The following VPS25 variants were observed in gnomAD, a reference collection of about 807,000 sequenced individuals.
VPS25 encodes vacuolar protein-sorting-associated protein 25.
In VPS25, 21 loss-of-function variants were observed where a neutral mutation model predicts 30.3. The ratio of observed to expected loss-of-function variants is 0.69; its 90% CI spans 0.49 to 1.00. The LOEUF (loss-of-function observed/expected upper bound fraction) is 1.00. Ranked by LOEUF, VPS25 falls within the 50% of genes least tolerant of loss-of-function variation. VPS25 has a pLI of 0.00. For synonymous variants in VPS25, 101 were observed against 88.1 expected (o/e 1.15, Z -0.82); for missense variants, 156 against 217.2 (o/e 0.72, Z 1.77).
chr17:42,777,574 C>G (rs2054443198), intron 5 of VPS25, among the ~76,000 whole-genome samples: 1 of 152,202 alleles, frequency 6.6e-6, no homozygotes, highest in South Asian at 2.1e-4. Flanking sequence ...TCAGCATCTG[C>G]TATAGATGCC....
rs767980257 is a variant in VPS25, at chr17:42,773,475, G to A, written c.-1G>A. 1.2e-6 allele frequency: 2 copies of A among 1,614,018 alleles called. No individual in the cohort carries two copies. The highest frequency in any genetic ancestry group is 1.7e-5 in the Admixed American group (1 of 59,998). ...GCTTCCGGGTTTCCTGGGCTACTAC[G>A]ATGGCGATGAGTTTCGAGTGGCCGT... On this transcript the variant is annotated 5_prime_UTR_variant, in exon 1 of 6. Transcript: ENST00000253794.
intron 5 of VPS25, among the ~76,000 whole-genome samples, chr17:42,778,609 A>G (rs2054448975): frequency 6.6e-6 from 1 of 152,208 alleles, no homozygotes; most frequent in Admixed American, 6.5e-5. Context: ...GTGTCTAGTG[A>G]CAATGGCTCC....
chr17:42,779,277 T>C lies in VPS25; in HGVS notation c.*208T>C. The C allele has an allele frequency of 1.9e-6, 1 of 533,318 alleles. No individual in the cohort carries two copies. The highest frequency in any genetic ancestry group is 3.4e-6 in the Non-Finnish European group (1 of 294,106). 33.0% of individuals were successfully genotyped at this position (533,318 alleles called of 1,614,324 possible). ...TGAGGCTGAAGCACCAGGGAGAAAA[T>C]ATGTGCTTCTTCTCGCCCTACCTCC... On this transcript the variant is annotated 3_prime_UTR_variant, in exon 6 of 6. Coordinates refer to ENST00000253794, the MANE Select transcript of VPS25 (RefSeq NM_032353.4).
chr17:42,775,405 G>C lies in VPS25; in HGVS notation c.278G>C (p.Ser93Thr). 1 of 1,614,102 alleles carries C rather than the reference G, an allele frequency of 6.2e-7. No homozygotes were observed. The highest frequency in any genetic ancestry group is 8.5e-7 in the Non-Finnish European group (1 of 1,179,978). The change falls in exon 4 of 6, where the codon AGC becomes ACC. Residue 93 changes from serine (S) to threonine (T), a missense_variant. Transcript: ENST00000253794. ...KKGNLEWLDK[S>T]KSSFLIMWRR... ...GGGAACCTCGAGTGGTTGGATAAGAGCAAGTCCAGCTTCCTGATCATGTGG... is the reference window on the plus strand; with the variant it reads ...GGGAACCTCGAGTGGTTGGATAAGACCAAGTCCAGCTTCCTGATCATGTGG...
At chr17:42,778,646 C>G (rs2054449283) in intron 5 of VPS25, among the ~76,000 whole-genome samples, 1 of 152,212 alleles carries the variant, frequency 6.6e-6, no homozygotes, top group Non-Finnish European at 1.5e-5. Flanking sequence ...ATTTTCACGG[C>G]CCCTTTGTGG....
Position 42,773,811 on chromosome 17 carries a change from C to T in VPS25, c.132C>T (p.His44=). ...TGGTCCTGTCCTTCTGCCGCCTGCA[C>T]AAACAGTCCAGCATGACGGTGATGG... ...CSLVLSFCRL[H]KQSSMTVMEA... is the part of the protein sequence containing the mutation. The change falls in exon 2 of 6, where the codon CAC becomes CAT. Residue 44 remains histidine (H), a synonymous_variant. Transcript: ENST00000253794. 2 of 1,614,152 alleles carry T rather than the reference C, an allele frequency of 1.2e-6. No homozygotes were observed. Among genetic ancestry groups the T allele is most frequent in the Non-Finnish European group, 1.7e-6 (2 of 1,180,042 alleles).
At chr17:42,774,368 C>CT in intron 2 of VPS25, 1 of 337,792 alleles carries the variant, frequency 3.0e-6, no homozygotes, top group Non-Finnish European at 5.2e-6. Flanking sequence ...AAGCTTCTTT[C>CT]TTTCTTTTTT....
At chr17:42,778,920 A>G (rs1330872132) in intron 5 of VPS25, 37 bp from the exon 6 acceptor site, 2 of 1,600,112 alleles carry the variant, frequency 1.2e-6, no homozygotes, top group Non-Finnish European at 1.7e-6. Flanking sequence ...CTTGGGCCTC[A>G]GGAGCTGATT....
rs2054452151 is a variant in VPS25, at chr17:42,778,978, C to G, written c.440C>G (p.Ala147Gly). 1 of 1,613,968 alleles carries G rather than the reference C, an allele frequency of 6.2e-7. No individual in the cohort carries two copies. Among genetic ancestry groups the G allele is most frequent in the Non-Finnish European group, 8.5e-7 (1 of 1,179,964 alleles). Residue 147 changes from alanine to glycine, a missense_variant, in exon 6 of 6, where the codon GCC (alanine) becomes GGC (glycine). By Grantham distance (60) the Ala-to-Gly change is moderately conservative. Transcript: ENST00000253794. ...TCAGAGTTCCACGGGCTGGATGAAG[C>G]CACTCTACTGCGGGCTCTGCAGGCC... is the stretch of plus-strand genomic sequence containing the variant. ...EDEEFHGLDE[A>G]TLLRALQALQ...
Position 42,777,472 on chromosome 17 carries a change from C to G in VPS25, c.418+1152C>G, listed in dbSNP as rs2054442616. On this transcript the variant is annotated intron_variant, in intron 5 of 5. Transcript: ENST00000253794. ...GAGGTTGCAGTAAGCCAAGATCGCA[C>G]CACTGCACTCTAGTCTGGATGACAG... Among the ~76,000 whole-genome samples the G allele has an allele frequency of 2.0e-5, 3 of 152,192 alleles. No homozygotes were observed. In the South Asian group the frequency reaches 6.2e-4, roughly 31 times the overall value.
chr17:42,773,773 G>T lies in VPS25; in HGVS notation c.94G>T (p.Ala32Ser). ...GGACACTCGGCAGAAGCAGCTGGCCGCCTGGTGCTCGCTGGTCCTGTCCTT... is the reference window on the plus strand; with the variant it reads ...GGACACTCGGCAGAAGCAGCTGGCCTCCTGGTGCTCGCTGGTCCTGTCCTT... ...NVDTRQKQLA[A>S]WCSLVLSFCR... The change falls in exon 2 of 6, where the codon GCC becomes TCC. Residue 32 changes from alanine to serine, a missense_variant. Ala to Ser is a moderately conservative substitution (Grantham distance 99). Transcript: ENST00000253794. 1 of 1,614,086 alleles carries T rather than the reference G, an allele frequency of 6.2e-7. No individual in the cohort carries two copies.
chr17:42,774,288 T>A (rs565236867), intron 2 of VPS25: 1 of 279,186 alleles, frequency 3.6e-6, no homozygotes, highest in African/African-American at 2.2e-5. Context: ...ATCCCTAAAA[T>A]ATCTGTGGAG....
At chr17:42,776,171 G>A (rs1354487777) in intron 4 of VPS25, 74 bp from the exon 5 acceptor site, 2 of 1,295,704 alleles carry the variant, frequency 1.5e-6, no homozygotes, top group Non-Finnish European at 2.2e-6. Flanking sequence ...GGATCAGAGG[G>A]GTGGAGCTGA....
At position 42,773,726 on chromosome 17, in the gene VPS25, C is replaced by T. The variant is rs997798960; in HGVS notation, c.54-7C>T. On this transcript the variant is annotated splice_polypyrimidine_tract_variant and splice_region_variant and intron_variant, in intron 1 of 5. Coordinates refer to ENST00000253794, the MANE Select transcript of VPS25 (RefSeq NM_032353.4). ...TAATTCTGCGCCCCACTCCCTTCAC[C>T]CGGCAGGTTACAACCGAATGTGGAC... 11 of 1,613,390 alleles carry T rather than the reference C, an allele frequency of 6.8e-6. No individual in the cohort carries two copies. Among genetic ancestry groups the T allele is most frequent in the Non-Finnish European group, 8.5e-6 (10 of 1,179,498 alleles).
In VPS25 at chr17:42,773,497, C is replaced by T; in HGVS notation, c.22C>T (p.Pro8Ser). 6.2e-7 allele frequency: 1 copy of T among 1,614,154 alleles called. No homozygotes were observed. Among genetic ancestry groups the T allele is most frequent in the Non-Finnish European group, 8.5e-7 (1 of 1,180,014 alleles). MAMSFEW[P>S]WQYRFPPFFT... is the part of the protein sequence containing the mutation. Reference sequence around the variant, plus strand: ...TACGATGGCGATGAGTTTCGAGTGGCCGTGGCAGTATCGCTTCCCACCCTT... The same window carrying T: ...TACGATGGCGATGAGTTTCGAGTGGTCGTGGCAGTATCGCTTCCCACCCTT... Residue 8 changes from proline (P) to serine (S), a missense_variant, in exon 1 of 6, where the codon CCG (proline) becomes TCG (serine). By Grantham distance (74) the Pro-to-Ser change is moderately conservative. Transcript: ENST00000253794.
At chr17:42,776,218 T>A in intron 4 of VPS25, 27 bp from the exon 5 acceptor site, 1 of 1,600,228 alleles carries the variant, frequency 6.2e-7, no homozygotes, top group Non-Finnish European at 8.6e-7. Context: ...TTGGTTCTAA[T>A]TCACTCCTCA....
rs758099267 is a variant in VPS25 at position 42,776,293 on chromosome 17, A to G, written c.391A>G (p.Thr131Ala). Residue 131 changes from threonine (T) to alanine (A), a missense_variant, in exon 5 of 6, where the codon ACT (threonine) becomes GCT (alanine). Coordinates refer to ENST00000253794, the MANE Select transcript of VPS25 (RefSeq NM_032353.4). The part of the protein sequence containing the change: ...NNSVFTLYEL[T>A]NGEDTEDEEF... ...CTCCGTCTTTACCCTGTATGAACTG[A>G]CTAATGGGGAAGACACAGAGGATGA... 6.2e-7 allele frequency: 1 copy of G among 1,613,644 alleles called. No individual in the cohort carries two copies. Among genetic ancestry groups the G allele is most frequent in the Non-Finnish European group, 8.5e-7 (1 of 1,180,002 alleles).
intron 5 of VPS25, among the ~76,000 whole-genome samples, chr17:42,777,484 A>T (rs533719464): frequency 6.6e-6 from 1 of 152,268 alleles, no homozygotes; most frequent in Non-Finnish European, 1.5e-5. Context: ...ACTGCACTCT[A>T]GTCTGGATGA....
intron 5 of VPS25, among the ~76,000 whole-genome samples, chr17:42,776,782 C>T (rs557622916): frequency 6.6e-6 from 1 of 152,166 alleles, no homozygotes; most frequent in East Asian, 1.9e-4. Context: ...GTTCTTAACC[C>T]ATGTCCAAGG....
Sources: allele counts gnomAD v4.1 joint callset (sites outside exome capture counted in the v4.1 genomes callset), GRCh38; gene constraint gnomAD v4.1.1; transcripts MANE v1.5; gene names NCBI Gene and HGNC (gene_info 2026-07-23, HGNC 2026-07-21).